The following GRIN2B variants were observed in gnomAD, a reference collection of about 807,000 sequenced individuals.
GRIN2B encodes glutamate ionotropic receptor NMDA type subunit 2B, also known as glutamate receptor ionotropic, NMDA 2B.
In GRIN2B, 5 loss-of-function variants were observed where a neutral mutation model predicts 114.5. That is an observed-to-expected ratio of 0.04 (90% confidence interval 0.02 to 0.09). The LOEUF (loss-of-function observed/expected upper bound fraction) is 0.09, where lower values mean the gene tolerates loss of function less well. Among genes scored for constraint, GRIN2B ranks in the 10% least tolerant of loss-of-function variants. The pLI, the probability that GRIN2B is intolerant of heterozygous loss-of-function variation, is 1.00. For synonymous variants in GRIN2B, 787 were observed against 745.1 expected, an observed-to-expected ratio of 1.06 and a Z score of -0.92; for missense variants, 1,108 against 1,943.5, an observed-to-expected ratio of 0.57 and a Z score of 8.08.
intron 4 of GRIN2B, among the ~76,000 whole-genome samples, chr12:13,710,998 C>A (rs1950409368): frequency 6.6e-6 from 1 of 152,038 alleles, no homozygotes; most frequent in African/African-American, 2.4e-5. Flanking sequence ...CCACAGTAAC[C>A]AAAACAGCAT....
intron 5 of GRIN2B, among the ~76,000 whole-genome samples, chr12:13,631,857 T>C (rs182568442): frequency 7.9e-5 from 12 of 152,312 alleles, no homozygotes; most frequent in African/African-American, 2.6e-4. Context: ...AAAGAAGTGC[T>C]GAGGAGAAAA....
chr12:13,638,106 T>C (rs566202733), intron 5 of GRIN2B, among the ~76,000 whole-genome samples: 17 of 152,270 alleles, frequency 1.1e-4, no homozygotes, highest in African/African-American at 4.1e-4. Context: ...CTCCTTGACC[T>C]GAGCCAAAGA....
intron 2 of GRIN2B, among the ~76,000 whole-genome samples, chr12:13,890,856 C>T (rs939326688): frequency 6.6e-6 from 1 of 152,106 alleles, no homozygotes; most frequent in Non-Finnish European, 1.5e-5. Context: ...GACTTTCCAC[C>T]CTGGGAGACA....
chr12:13,854,141 G>A (rs1461537496), intron 3 of GRIN2B, among the ~76,000 whole-genome samples: 1 of 152,212 alleles, frequency 6.6e-6, no homozygotes. Context: ...CAGCCCTAGA[G>A]GAGATGTACC....
At chr12:13,592,908 G>A (rs769063983) in intron 10 of GRIN2B, among the ~76,000 whole-genome samples, 7 of 152,116 alleles carry the variant, frequency 4.6e-5, no homozygotes, top group Non-Finnish European at 5.9e-5. Flanking sequence ...TTTATATAAA[G>A]GGTTAAACTG....
intron 5 of GRIN2B, among the ~76,000 whole-genome samples, chr12:13,664,779 G>A (rs1949958075): frequency 1.3e-5 from 2 of 151,838 alleles, no homozygotes; most frequent in Admixed American, 6.6e-5. Flanking sequence ...AAAATATTTG[G>A]TTGCTTGTGT....
chr12:13,579,767 C>A (rs182017930), intron 10 of GRIN2B, among the ~76,000 whole-genome samples: 1 of 151,938 alleles, frequency 6.6e-6, no homozygotes, highest in African/African-American at 2.4e-5. Context: ...GTGCTACAGT[C>A]GGATAAGAAG....
chr12:13,727,398 G>A (rs1863009733), intron 4 of GRIN2B, among the ~76,000 whole-genome samples: 1 of 150,434 alleles, frequency 6.6e-6, no homozygotes. Flanking sequence ...ATTTCACAAA[G>A]GATGTTCATT....
intron 11 of GRIN2B, among the ~76,000 whole-genome samples, chr12:13,571,521 C>T (rs1056051939): frequency 1.2e-4 from 19 of 152,202 alleles, no homozygotes; most frequent in African/African-American, 4.6e-4. Flanking sequence ...CTTCACTCTG[C>T]CCTCCTACTT....
At chr12:13,947,690 A>T (rs1867386590) in intron 2 of GRIN2B, among the ~76,000 whole-genome samples, 1 of 152,156 alleles carries the variant, frequency 6.6e-6, no homozygotes, top group South Asian at 2.1e-4. Flanking sequence ...CCTAGCATCA[A>T]AAGTGGCTGT....
rs1167927686 is a variant in GRIN2B at position 13,559,359 on chromosome 12, T to C, written c.*3424A>G. 1 of 152,170 alleles carries C rather than the reference T, an allele frequency of 6.6e-6. No homozygotes were observed. The highest frequency in any genetic ancestry group is 1.5e-5 in the Non-Finnish European group (1 of 68,036). The allele number at this position is 152,170 out of a possible 1,614,324, so 9.4% of individuals were successfully genotyped here. On this transcript the variant is annotated 3_prime_UTR_variant, in exon 14 of 14. Transcript: ENST00000609686. ...AAATGTAGTGAATATACTGGGTAAA[T>C]GGATTTGGAAATTTTATCCTGTGAT...
At chr12:13,800,988 A>G (rs1864500812) in intron 3 of GRIN2B, among the ~76,000 whole-genome samples, 1 of 152,204 alleles carries the variant, frequency 6.6e-6, no homozygotes, top group Admixed American at 6.5e-5. Flanking sequence ...CAAATTAAGA[A>G]TAAATTCCTC....
At chr12:13,817,122 A>G (rs960996955) in intron 3 of GRIN2B, among the ~76,000 whole-genome samples, 1 of 152,020 alleles carries the variant, frequency 6.6e-6, no homozygotes, top group African/African-American at 2.4e-5. Context: ...CCTTGGTCAT[A>G]ATTTTGCAAG....
At chr12:13,771,139 T>C (rs1365701219) in intron 3 of GRIN2B, among the ~76,000 whole-genome samples, 2 of 152,186 alleles carry the variant, frequency 1.3e-5, no homozygotes, top group East Asian at 1.9e-4. Context: ...TGATAGTGTA[T>C]AAGTCTCACG....
In GRIN2B at chr12:13,802,733, A is replaced by G. The variant is rs538194616; in HGVS notation, c.412-48818T>C. Among the ~76,000 whole-genome samples, 36 of 152,306 alleles carry G rather than the reference A, an allele frequency of 2.4e-4. No individual in the cohort carries two copies. The East Asian group carries it at 6.2e-3, about 26-fold the overall frequency. On this transcript the variant is annotated intron_variant, in intron 3 of 13. Transcript: ENST00000609686. ...AATACAAAACAGTATGTGCAATATG[A>G]CTTTATTTTTGTTTTATATATTGCA... is the stretch of plus-strand genomic sequence containing the variant.
At chr12:13,761,441 C>CTTTTAT (rs1863678281) in intron 3 of GRIN2B, among the ~76,000 whole-genome samples, 1 of 152,050 alleles carries the variant, frequency 6.6e-6, no homozygotes, top group Non-Finnish European at 1.5e-5. Context: ...CAGAAGAAAA[C>CTTTTAT]AACAGGAAGT....
At chr12:13,691,553 C>T (rs1321198820) in intron 4 of GRIN2B, among the ~76,000 whole-genome samples, 5 of 147,440 alleles carry the variant, frequency 3.4e-5, no homozygotes, top group African/African-American at 9.8e-5. Context: ...TCTTTACCCC[C>T]TTTTCCAGTC....
At chr12:13,574,814 T>C (rs1431523685) in intron 10 of GRIN2B, among the ~76,000 whole-genome samples, 1 of 152,188 alleles carries the variant, frequency 6.6e-6, no homozygotes, top group Non-Finnish European at 1.5e-5. Flanking sequence ...AGTTAAAGGA[T>C]TTACACTACC....
At chr12:13,646,495 T>G (rs1038991962) in intron 5 of GRIN2B, among the ~76,000 whole-genome samples, 4 of 152,230 alleles carry the variant, frequency 2.6e-5, no homozygotes, top group African/African-American at 9.6e-5. Context: ...TCCCTGTGAC[T>G]TTCTTTTAAA....
Sources: gnomAD v4.1 joint callset for allele counts (sites outside exome capture counted in the v4.1 genomes callset) on GRCh38, gnomAD v4.1.1 for gene constraint, MANE v1.5 for transcripts, NCBI Gene and HGNC (gene_info 2026-07-23, HGNC 2026-07-21) for gene names.